The following SORCS1 variants were observed in gnomAD, a reference collection of about 807,000 sequenced individuals.
The protein encoded by SORCS1 is sortilin related VPS10 domain containing receptor 1, also known as VPS10 domain-containing receptor SorCS1.
SORCS1 carries 60 observed loss-of-function variants against 146.1 expected under a neutral mutation model. The observed-to-expected ratio is 0.41, with a 90% CI of 0.33 to 0.51. The LOEUF is 0.51. SORCS1 is among the 20% of genes least tolerant of loss of function. The probability of loss-of-function intolerance (pLI) is 0.21; values close to 1 mark genes in which losing one functional copy is unlikely to be tolerated. For synonymous variants in SORCS1, 637 were observed against 584.0 expected, an observed-to-expected ratio of 1.09 and a Z score of -1.31; for missense variants, 1,352 against 1,487.6, an observed-to-expected ratio of 0.91 and a Z score of 1.50.
At chr10:107,019,207 T>C (rs1958028671) in intron 1 of SORCS1, among the ~76,000 whole-genome samples, 1 of 152,240 alleles carries the variant, frequency 6.6e-6, no homozygotes, top group Non-Finnish European at 1.5e-5. Flanking sequence ...ATATGGCCTG[T>C]ATTTTTTAAA....
At chr10:106,823,689 G>A (rs905346359) in intron 3 of SORCS1, among the ~76,000 whole-genome samples, 4 of 152,190 alleles carry the variant, frequency 2.6e-5, no homozygotes, top group Non-Finnish European at 5.9e-5. Context: ...TGAGAGTAAA[G>A]TGCTAGAAAA....
the SORCS1 span, among the ~76,000 whole-genome samples, chr10:107,177,788 T>C: frequency 1.3e-5 from 2 of 152,248 alleles, no homozygotes; most frequent in Non-Finnish European, 2.9e-5. Flanking sequence ...TTGCAGCAGA[T>C]GGTACATATA....
intron 1 of SORCS1, among the ~76,000 whole-genome samples, chr10:106,980,978 A>C (rs948703176): frequency 1.3e-5 from 2 of 149,216 alleles, no homozygotes; most frequent in African/African-American, 4.9e-5. Context: ...TGAAGGTTTC[A>C]TTTGTTTATG....
At chr10:106,611,149 C>A (rs1218538154) in intron 22 of SORCS1, among the ~76,000 whole-genome samples, 1 of 151,908 alleles carries the variant, frequency 6.6e-6, no homozygotes, top group African/African-American at 2.4e-5. Context: ...TCTCTAATTG[C>A]CAGTGACATT....
chr10:106,895,119 T>TA (rs1207624897), intron 2 of SORCS1, among the ~76,000 whole-genome samples: 5 of 152,162 alleles, frequency 3.3e-5, no homozygotes, highest in Non-Finnish European at 7.3e-5. Flanking sequence ...ACCTCACAGT[T>TA]AGATGATTTC....
chr10:106,794,626 C>T (rs1242676271), intron 3 of SORCS1, among the ~76,000 whole-genome samples: 8 of 151,788 alleles, frequency 5.3e-5, no homozygotes, highest in East Asian at 3.9e-4. Flanking sequence ...CCTCAGTCTC[C>T]CGAGTAGCTG....
At chr10:106,718,952 G>A (rs1418063474) in intron 6 of SORCS1, among the ~76,000 whole-genome samples, 1 of 152,014 alleles carries the variant, frequency 6.6e-6, no homozygotes. Context: ...GCTGATTGGT[G>A]CGTTTACAAA....
chr10:107,139,237 G>C (rs1967593239), intron 1 of SORCS1, among the ~76,000 whole-genome samples: 1 of 152,124 alleles, frequency 6.6e-6, no homozygotes, highest in African/African-American at 2.4e-5. Flanking sequence ...GTCTTGGAAA[G>C]CCAGAAACAC....
intron 1 of SORCS1, among the ~76,000 whole-genome samples, chr10:106,975,420 G>T (rs1955951068): frequency 6.6e-6 from 1 of 152,186 alleles, no homozygotes; most frequent in Non-Finnish European, 1.5e-5. Context: ...ATTTTATCGG[G>T]CTCAGAGAAA....
intron 16 of SORCS1, among the ~76,000 whole-genome samples, chr10:106,668,384 A>C (rs577056684): frequency 2.5e-4 from 38 of 152,354 alleles, no homozygotes; most frequent in African/African-American, 8.7e-4. Flanking sequence ...CTAGGCAGTT[A>C]GCGCTGCCAC....
chr10:106,780,562 T>C (rs990676349), intron 3 of SORCS1, among the ~76,000 whole-genome samples: 3 of 152,194 alleles, frequency 2.0e-5, no homozygotes, highest in Non-Finnish European at 4.4e-5. Flanking sequence ...AAGGAATGAA[T>C]AAATGAATGA....
intron 1 of SORCS1, among the ~76,000 whole-genome samples, chr10:106,982,343 A>G (rs1184202281): frequency 6.6e-6 from 1 of 152,168 alleles, no homozygotes; most frequent in East Asian, 1.9e-4. Context: ...AATTGCTAAC[A>G]AAATTGTACT....
intron 3 of SORCS1, among the ~76,000 whole-genome samples, chr10:106,827,075 T>A (rs1460437134): frequency 6.6e-6 from 1 of 152,200 alleles, no homozygotes; most frequent in Non-Finnish European, 1.5e-5. Flanking sequence ...CTTCCAGTCT[T>A]AGCAGCTATA....
intron 18 of SORCS1, among the ~76,000 whole-genome samples, chr10:106,647,323 C>T (rs1404335876): frequency 2.0e-5 from 3 of 150,320 alleles, no homozygotes; most frequent in East Asian, 3.9e-4. Context: ...CTGGGTAGTG[C>T]TATTGAAAAT....
At chr10:107,014,365 T>C (rs1431954310) in intron 1 of SORCS1, among the ~76,000 whole-genome samples, 1 of 151,994 alleles carries the variant, frequency 6.6e-6, no homozygotes, top group Non-Finnish European at 1.5e-5. Context: ...TGGCCTTTGC[T>C]TAGTGTTGCA....
chr10:106,652,324 TTTA>T, intron 18 of SORCS1, 55 bp downstream of exon 18: 1 of 1,455,498 alleles, frequency 6.9e-7, no homozygotes, highest in African/African-American at 1.4e-5. Context: ...AAAACCATGG[TTTA>T]TTAAGAAAAA....
Position 106,726,185 on chromosome 10 carries a change from C to CTCTTTTTTTT in SORCS1, c.1024+3864_1024+3865insAAAAAAAAGA, listed in dbSNP as rs1435746962. Among the ~76,000 whole-genome samples, 353 of 66,302 alleles carry CTCTTTTTTTT rather than the reference C, an allele frequency of 5.3e-3. 28 individuals are homozygous for CTCTTTTTTTT. The highest frequency in any genetic ancestry group is 0.01 in the Middle Eastern group (1 of 96). The allele number at this position is 66,302 out of a possible 152,430, so 43.5% of individuals were successfully genotyped here. On this transcript the variant is annotated intron_variant, in intron 6 of 25. Transcript: ENST00000263054. ...TTATTGAGACAATCTCTTTCCCTCT[C>CTCTTTTTTTT]TTTTTTTTTTTTTTTTTTTTTTACA...
chr10:106,606,868 A>T (rs1449681466), intron 23 of SORCS1, among the ~76,000 whole-genome samples: 1 of 152,150 alleles, frequency 6.6e-6, no homozygotes, highest in Admixed American at 6.5e-5. Flanking sequence ...TGCTGCCACC[A>T]TGTGAAGAAG....
At chr10:106,718,645 T>C (rs753496406) in intron 6 of SORCS1, among the ~76,000 whole-genome samples, 17 of 152,362 alleles carry the variant, frequency 1.1e-4, no homozygotes, top group Non-Finnish European at 2.4e-4. Context: ...TTGCCACTGC[T>C]GGCTGGGGTG....
Sources: gnomAD v4.1 joint callset for allele counts (sites outside exome capture counted in the v4.1 genomes callset) on GRCh38, gnomAD v4.1.1 for gene constraint, MANE v1.5 for transcripts, NCBI Gene and HGNC (gene_info 2026-07-23, HGNC 2026-07-21) for gene names.